SLC2A13: variants seen among roughly 807,000 people sequenced by gnomAD.
The protein encoded by SLC2A13 is proton myo-inositol cotransporter.
SLC2A13 carries 32 observed loss-of-function variants against 64.4 expected under a neutral mutation model. The ratio of observed to expected loss-of-function variants is 0.50; its 90% CI spans 0.37 to 0.67. The LOEUF is 0.67. Among genes scored for constraint, SLC2A13 ranks in the 30% least tolerant of loss-of-function variants. The pLI, the probability that SLC2A13 is intolerant of heterozygous loss-of-function variation, is 0.00. For missense variants in SLC2A13, 743 were observed against 829.2 expected, an observed-to-expected ratio of 0.90 and a Z score of 1.28; for synonymous variants, 338 against 327.1, an observed-to-expected ratio of 1.03 and a Z score of -0.36.
rs1436463214 is a variant in SLC2A13, at chr12:40,105,269, G to A, written c.540C>T (p.Val180=). 1 of 1,595,696 alleles carries A rather than the reference G, an allele frequency of 6.3e-7. No individual in the cohort carries two copies. Reference sequence around the variant, plus strand: ...CGAACTCACCGATGCCGAGTCCCACGACCAGGCGGCCGGCGAGCAGTGTCT... The same window carrying A: ...CGAACTCACCGATGCCGAGTCCCACAACCAGGCGGCCGGCGAGCAGTGTCT... The part of the protein sequence containing the change: ...NKETLLAGRL[V]VGLGIGIASM... Residue 180 remains valine, a synonymous_variant, in exon 1 of 10, where the codon GTC becomes GTT. Coordinates refer to ENST00000280871, the MANE Select transcript of SLC2A13 (RefSeq NM_052885.4). This position sits in a 1 kb window ranked among gnomAD's most constrained non-coding sequence, Gnocchi z 4.2.
At chr12:40,059,822 T>A (rs1176647059) in intron 1 of SLC2A13, among the ~76,000 whole-genome samples, 1 of 152,132 alleles carries the variant, frequency 6.6e-6, no homozygotes, top group East Asian at 1.9e-4. Context: ...TCTTGACCCT[T>A]CTGTGTGGCA....
At chr12:39,975,196 T>C (rs891366273) in intron 3 of SLC2A13, among the ~76,000 whole-genome samples, 17 of 152,188 alleles carry the variant, frequency 1.1e-4, no homozygotes, top group African/African-American at 3.4e-4. Flanking sequence ...AGACAAAATG[T>C]ATACTTACTT....
At chr12:39,765,833 G>T (rs1460448820) in intron 7 of SLC2A13, among the ~76,000 whole-genome samples, 2 of 151,998 alleles carry the variant, frequency 1.3e-5, no homozygotes, top group Non-Finnish European at 2.9e-5. Context: ...CCATCACCTA[G>T]GTATTAAGCC....
At chr12:40,020,196 G>A (rs1197074187) in intron 3 of SLC2A13, among the ~76,000 whole-genome samples, 9 of 152,118 alleles carry the variant, frequency 5.9e-5, no homozygotes, top group Admixed American at 5.9e-4. Flanking sequence ...AGAATAGGCA[G>A]GTTTCTTCAG....
chr12:39,766,922 G>C (rs889121584), intron 7 of SLC2A13, among the ~76,000 whole-genome samples: 16 of 152,006 alleles, frequency 1.1e-4, no homozygotes, highest in Non-Finnish European at 2.4e-4. Flanking sequence ...CTCCCCTAAA[G>C]TCTTCAGCCC....
At chr12:39,877,577 T>G (rs556026208) in intron 4 of SLC2A13, among the ~76,000 whole-genome samples, 2 of 152,296 alleles carry the variant, frequency 1.3e-5, no homozygotes, top group South Asian at 4.1e-4. Flanking sequence ...TATATTCTCT[T>G]TCATAGGGCA....
intron 4 of SLC2A13, among the ~76,000 whole-genome samples, chr12:39,896,522 A>C (rs1351909681): frequency 7.3e-6 from 1 of 136,762 alleles, no homozygotes; most frequent in Admixed American, 8.6e-5. Context: ...GTGTGTATAC[A>C]TGTATACATG....
chr12:39,852,057 G>A (rs1465858189), intron 6 of SLC2A13, among the ~76,000 whole-genome samples: 3 of 152,154 alleles, frequency 2.0e-5, no homozygotes, highest in Non-Finnish European at 4.4e-5. Flanking sequence ...GTTTAGAAAG[G>A]ACTAAAACAC....
At position 39,772,943 on chromosome 12, in the gene SLC2A13, C is replaced by T. The variant is rs558076265; in HGVS notation, c.1446-8085G>A. On this transcript the variant is annotated intron_variant, in intron 7 of 9. Coordinates refer to ENST00000280871, the MANE Select transcript of SLC2A13 (RefSeq NM_052885.4). ...TGGCAGAGTTACATACTCAGCAATA[C>T]GTAGATAGCTAATGACTGAGAATGT... 1.4e-3 allele frequency among the ~76,000 whole-genome samples: 219 copies of T among 152,254 alleles called. 1 individual carries two copies. Among genetic ancestry groups the T allele is most frequent in the Middle Eastern group, 6.8e-3 (2 of 294 alleles).
chr12:39,988,656 AAGGAGGGAGGGAGGGAGGG>A (rs1947073232), intron 3 of SLC2A13, among the ~76,000 whole-genome samples: 1 of 104,856 alleles, frequency 9.5e-6, no homozygotes, highest in African/African-American at 3.5e-5. Context: ...GGAGAAAAGG[AAGGAGGGAGGGAGGGAGGG>A]AAGAAGGGAG....
rs1447029798 is a variant in SLC2A13 at position 39,794,142 on chromosome 12, A to C, written c.1446-29284T>G. On this transcript the variant is annotated intron_variant, in intron 7 of 9. Coordinates refer to ENST00000280871, the MANE Select transcript of SLC2A13 (RefSeq NM_052885.4). Reference sequence around the variant, plus strand: ...AAATTGCAAAAAAAAAAAAAAAAAAAAAAAAAACCAAAACAAAACCTCCCT... The same window carrying C: ...AAATTGCAAAAAAAAAAAAAAAAAACAAAAAAACCAAAACAAAACCTCCCT... 4.0e-5 allele frequency among the ~76,000 whole-genome samples: 6 copies of C among 151,320 alleles called. No homozygotes were observed. The East Asian group carries it at 1.2e-3, about 29-fold the overall frequency.
chr12:40,046,530 G>A (rs1310022424), intron 2 of SLC2A13, among the ~76,000 whole-genome samples: 1 of 151,976 alleles, frequency 6.6e-6, no homozygotes, highest in Non-Finnish European at 1.5e-5. Context: ...TTAAAGACAT[G>A]TAAGTTGAAA....
chr12:39,849,367 C>T (rs1280580975), intron 6 of SLC2A13, among the ~76,000 whole-genome samples: 2 of 152,088 alleles, frequency 1.3e-5, no homozygotes, highest in East Asian at 1.9e-4. Context: ...CTAAAAGTCT[C>T]AGAGTTAATG....
intron 7 of SLC2A13, among the ~76,000 whole-genome samples, chr12:39,810,489 C>T (rs1942122020): frequency 6.6e-6 from 1 of 152,086 alleles, no homozygotes; most frequent in South Asian, 2.1e-4. Context: ...TGCCTTATTA[C>T]ACTGGCTAGG....
At position 39,910,751 on chromosome 12, in the gene SLC2A13, A is replaced by G. The variant is rs117021267; in HGVS notation, c.1035-38790T>C. Among the ~76,000 whole-genome samples the G allele has an allele frequency of 3.0e-3, 452 of 152,178 alleles. 14 individuals are homozygous for G. In the East Asian group the frequency reaches 0.077, roughly 26 times the overall value. Reference sequence around the variant, plus strand: ...ATATGTGTGGTTTAATTAATTGGTTAGGCAAAGGGAGGATAACATGGCTAA... The same window carrying G: ...ATATGTGTGGTTTAATTAATTGGTTGGGCAAAGGGAGGATAACATGGCTAA... On this transcript the variant is annotated intron_variant, in intron 4 of 9. Coordinates refer to ENST00000280871, the MANE Select transcript of SLC2A13 (RefSeq NM_052885.4).
chr12:39,864,747 A>C lies in SLC2A13; in HGVS notation c.1319+15T>G, dbSNP rs369563215. On this transcript the variant is annotated intron_variant, in intron 6 of 9. Transcript: ENST00000280871. The stretch of plus-strand genomic sequence containing the variant: ...CAGAGTCATGTAAAGGAAGAAGAAC[A>C]TAATGGAATCTCACCTGTATCTTGT... 31 of 1,612,132 alleles carry C rather than the reference A, an allele frequency of 1.9e-5. No individual in the cohort carries two copies. The highest frequency in any genetic ancestry group is 2.5e-5 in the Non-Finnish European group (29 of 1,179,338).
intron 3 of SLC2A13, among the ~76,000 whole-genome samples, chr12:40,008,167 T>G (rs985557944): frequency 1.3e-5 from 2 of 152,206 alleles, no homozygotes; most frequent in Non-Finnish European, 2.9e-5. Context: ...GCTAAAATGA[T>G]TCCTTATAAC....
Position 39,811,988 on chromosome 12 carries a change from G to C in SLC2A13, c.1445+18115C>G, listed in dbSNP as rs148005010. The stretch of plus-strand genomic sequence containing the variant: ...TAAATCTCTAATTTGTTTCTTTTAT[G>C]GTTATCTCATAAAAGAAACAACTTT... On this transcript the variant is annotated intron_variant, in intron 7 of 9. Coordinates refer to ENST00000280871, the MANE Select transcript of SLC2A13 (RefSeq NM_052885.4). 2.3e-3 allele frequency among the ~76,000 whole-genome samples: 352 copies of C among 152,042 alleles called. 1 individual carries two copies. Among genetic ancestry groups the C allele is most frequent in the Non-Finnish European group, 3.8e-3 (260 of 67,964 alleles).
At chr12:40,036,223 A>G (rs1276351234) in intron 2 of SLC2A13, among the ~76,000 whole-genome samples, 5 of 152,066 alleles carry the variant, frequency 3.3e-5, no homozygotes, top group Admixed American at 2.0e-4. Context: ...AGAAGCTATT[A>G]GAAAAAAATT....
Sources: allele counts gnomAD v4.1 joint callset (sites outside exome capture counted in the v4.1 genomes callset), GRCh38; gene constraint gnomAD v4.1.1; non-coding constraint Gnocchi (gnomAD v3.1); transcripts MANE v1.5; gene names NCBI Gene and HGNC (gene_info 2026-07-23, HGNC 2026-07-21).